Variants in PPM1H observed in about 807,000 individuals in gnomAD.
PPM1H encodes the protein protein phosphatase, Mg2+/Mn2+ dependent 1H.
PPM1H carries 27 observed loss-of-function variants against 54.9 expected under a neutral mutation model. That is an observed-to-expected ratio of 0.49 (90% confidence interval 0.36 to 0.68). PPM1H has a LOEUF of 0.68. Ranked by LOEUF, PPM1H falls within the 30% of genes least tolerant of loss-of-function variation. PPM1H has a pLI of 0.00. For missense variants in PPM1H, 596 were observed against 667.8 expected, an observed-to-expected ratio of 0.89 and a Z score of 1.19; for synonymous variants, 305 against 270.8, an observed-to-expected ratio of 1.13 and a Z score of -1.24.
At chr12:62,790,890 T>C (rs2076697864) in intron 3 of PPM1H, among the ~76,000 whole-genome samples, 1 of 152,150 alleles carries the variant, frequency 6.6e-6, no homozygotes, top group Admixed American at 6.5e-5. Flanking sequence ...TAAAGGACTG[T>C]CGTAAGGCTA....
intron 1 of PPM1H, among the ~76,000 whole-genome samples, chr12:62,864,386 C>T (rs903917412): frequency 6.6e-6 from 1 of 152,148 alleles, no homozygotes. Flanking sequence ...AAGAAGATAA[C>T]ATGAACCTAG....
chr12:62,812,736 T>C (rs2076842547), intron 2 of PPM1H, among the ~76,000 whole-genome samples: 2 of 151,062 alleles, frequency 1.3e-5, no homozygotes, highest in African/African-American at 2.4e-5. Context: ...AACTGCTTTT[T>C]AATAATTTTA....
chr12:62,758,997 T>C (rs2076491082), intron 4 of PPM1H, among the ~76,000 whole-genome samples: 2 of 152,224 alleles, frequency 1.3e-5, no homozygotes, highest in Admixed American at 1.3e-4. Context: ...CCCTTGAGAA[T>C]ATACTTTGTG....
intron 1 of PPM1H, among the ~76,000 whole-genome samples, chr12:62,921,206 G>A (rs1485630542): frequency 6.6e-6 from 1 of 152,072 alleles, no homozygotes; most frequent in Middle Eastern, 3.2e-3. Context: ...TAGGATTACA[G>A]GCATGAGCCA....
At chr12:62,839,525 C>T (rs946029141) in intron 1 of PPM1H, among the ~76,000 whole-genome samples, 4 of 152,048 alleles carry the variant, frequency 2.6e-5, no homozygotes, top group African/African-American at 9.7e-5. Context: ...CTGACTCCCG[C>T]GAGATAGGAC....
chr12:62,820,559 G>A (rs894900081), intron 2 of PPM1H, among the ~76,000 whole-genome samples: 3 of 152,204 alleles, frequency 2.0e-5, no homozygotes, highest in African/African-American at 7.2e-5. Context: ...GGAACGATCA[G>A]GCAGCAACAT....
chr12:62,667,470 A>G (rs1046038738), intron 8 of PPM1H, 141 bp from the exon 9 acceptor site: 2 of 751,304 alleles, frequency 2.7e-6, no homozygotes, highest in Non-Finnish European at 4.1e-6. Context: ...TTGATTATAC[A>G]GCGAGCTGTG....
rs7955339 is a variant in PPM1H at position 62,908,858 on chromosome 12, C to A, written c.245+25634G>T. Among the ~76,000 whole-genome samples the A allele has an allele frequency of 7.1e-3, 1,077 of 152,296 alleles. 11 individuals are homozygous for A. Among genetic ancestry groups the A allele is most frequent in the African/African-American group, 0.022 (921 of 41,558 alleles). On this transcript the variant is annotated intron_variant, in intron 1 of 9. Coordinates refer to ENST00000228705, the MANE Select transcript of PPM1H (RefSeq NM_020700.2). ...CCCTTATCTATTTAATCCTCACATGCATCTTATCAGTTATGACTAATCCCT... is the reference window on the plus strand; with the variant it reads ...CCCTTATCTATTTAATCCTCACATGAATCTTATCAGTTATGACTAATCCCT...
At chr12:62,911,518 A>C (rs948633963) in intron 1 of PPM1H, among the ~76,000 whole-genome samples, 1 of 152,214 alleles carries the variant, frequency 6.6e-6, no homozygotes, top group African/African-American at 2.4e-5. Context: ...TGGAGATCTT[A>C]CAGTGTGTGA....
At chr12:62,742,650 A>C (rs913038828) in intron 4 of PPM1H, among the ~76,000 whole-genome samples, 1 of 152,232 alleles carries the variant, frequency 6.6e-6, no homozygotes, top group Non-Finnish European at 1.5e-5. Flanking sequence ...TAAGAAAAAA[A>C]CAAAAACCAA....
intron 2 of PPM1H, among the ~76,000 whole-genome samples, chr12:62,829,562 G>A (rs534266624): frequency 1.1e-3 from 164 of 152,326 alleles, no homozygotes; most frequent in Non-Finnish European, 1.9e-3. Flanking sequence ...CTTAAACTCA[G>A]TAAGAAGCCT....
At chr12:62,919,899 G>A (rs573442795) in intron 1 of PPM1H, among the ~76,000 whole-genome samples, 45 of 149,750 alleles carry the variant, frequency 3.0e-4, no homozygotes, top group African/African-American at 7.9e-4. Context: ...GGGAGAAGAG[G>A]ACAGGCAGGG....
At chr12:62,746,702 G>A (rs924712012) in intron 4 of PPM1H, among the ~76,000 whole-genome samples, 2 of 152,204 alleles carry the variant, frequency 1.3e-5, no homozygotes, top group African/African-American at 4.8e-5. Flanking sequence ...ACACTGTTGT[G>A]TGGTGTGGTT....
chr12:62,718,773 A>G (rs1051125475), intron 6 of PPM1H, among the ~76,000 whole-genome samples: 1 of 152,212 alleles, frequency 6.6e-6, no homozygotes, highest in East Asian at 1.9e-4. Flanking sequence ...TTGCTAACTA[A>G]ATAAAAATGG....
intron 6 of PPM1H, among the ~76,000 whole-genome samples, chr12:62,715,183 G>A (rs997208211): frequency 2.6e-5 from 4 of 152,184 alleles, no homozygotes; most frequent in Admixed American, 6.5e-5. Context: ...GCTGCGGGTC[G>A]GGATACACTG....
intron 6 of PPM1H, among the ~76,000 whole-genome samples, chr12:62,717,023 G>C (rs1412394206): frequency 2.0e-5 from 3 of 152,170 alleles, no homozygotes; most frequent in Admixed American, 2.0e-4. Context: ...GCCCAGGCTG[G>C]AATGCAGTGG....
At chr12:62,933,912 C>G (rs1307334703) in intron 1 of PPM1H, 1 of 152,276 alleles carries the variant, frequency 6.6e-6, no homozygotes, top group Non-Finnish European at 1.5e-5. Context: ...GAAAGCGCAG[C>G]ATTTTACTAC....
intron 5 of PPM1H, among the ~76,000 whole-genome samples, chr12:62,721,447 G>A (rs1171688978): frequency 6.6e-6 from 1 of 152,196 alleles, no homozygotes; most frequent in Non-Finnish European, 1.5e-5. Flanking sequence ...CTGAGGGTGA[G>A]CAGGAGAACT....
chr12:62,850,659 A>G (rs1565809255), intron 1 of PPM1H: 1 of 148,360 alleles, frequency 6.7e-6, no homozygotes, highest in East Asian at 1.9e-4. Context: ...ATTTTAAAAT[A>G]TATATTATAT....
Sources: allele counts gnomAD v4.1 joint callset (sites outside exome capture counted in the v4.1 genomes callset), GRCh38; gene constraint gnomAD v4.1.1; transcripts MANE v1.5; gene names NCBI Gene and HGNC (gene_info 2026-07-23, HGNC 2026-07-21).